Variants in ATL2 observed in about 807,000 individuals in gnomAD.
ATL2 encodes the protein atlastin-2.
In ATL2, 31 loss-of-function variants were observed where a neutral mutation model predicts 73.9. That is an observed-to-expected ratio of 0.42 (90% CI 0.32 to 0.57). The LOEUF is 0.57. Among genes scored for constraint, ATL2 ranks in the 20% least tolerant of loss-of-function variants. The pLI is 0.14. For missense variants in ATL2, 738 were observed against 702.6 expected (o/e 1.05, Z -0.57); for synonymous variants, 291 against 237.5 (o/e 1.23, Z -2.07).
intron 1 of ATL2, among the ~76,000 whole-genome samples, chr2:38,348,899 G>A (rs1670179021): frequency 6.6e-6 from 1 of 152,186 alleles, no homozygotes; most frequent in Non-Finnish European, 1.5e-5. Flanking sequence ...AGACATTTAT[G>A]CAGCCAAAAC....
rs7557897 is a variant in ATL2 at position 38,337,663 on chromosome 2, T to C, written c.363+5605A>G. ...TTTATAAATTAATTGATCACAGGGA[T>C]TTACTTCAAAATAATATATAAGGTG... On this transcript the variant is annotated intron_variant, in intron 2 of 12. Transcript: ENST00000378954. Among the ~76,000 whole-genome samples, 974 of 151,896 alleles carry C rather than the reference T, an allele frequency of 6.4e-3. 16 individuals carry two copies. Among genetic ancestry groups the C allele is most frequent in the African/African-American group, 0.022 (916 of 41,462 alleles).
At chr2:38,353,608 C>A (rs919494521) in intron 1 of ATL2, among the ~76,000 whole-genome samples, 1 of 152,120 alleles carries the variant, frequency 6.6e-6, no homozygotes, top group African/African-American at 2.4e-5. Context: ...ACCTCCAGTA[C>A]GGTAATACAA....
chr2:38,339,904 T>C (rs1669604995), intron 2 of ATL2, among the ~76,000 whole-genome samples: 2 of 152,124 alleles, frequency 1.3e-5, no homozygotes, highest in Admixed American at 1.3e-4. Context: ...TTGCCCCAGC[T>C]GGTCTCGAAC....
rs1672034978 is a variant in ATL2 at position 38,377,211 on chromosome 2, A to C, written c.50T>G (p.Leu17Arg). 6.2e-6 allele frequency: 10 copies of C among 1,608,410 alleles called. No homozygotes were observed. The highest frequency in any genetic ancestry group is 5.9e-6 in the Non-Finnish European group (7 of 1,178,298). Residue 17 changes from leucine to arginine, a missense_variant, in exon 1 of 13, where the codon CTG becomes CGG. By Grantham distance (102) the Leu-to-Arg change is moderately radical. Transcript: ENST00000378954. ...GTCGCTGGTCCGTCGCCGGCGCCAC[A>C]GCCCCTGGTGCGGTTGCTGCCCTCG... ...AARGQQPHQGLWRRRRTSDPS... is the reference protein window; with the variant it reads ...AARGQQPHQGRWRRRRTSDPS...
At chr2:38,329,915 G>C (rs957042028) in intron 2 of ATL2, among the ~76,000 whole-genome samples, 5 of 152,072 alleles carry the variant, frequency 3.3e-5, no homozygotes, top group African/African-American at 1.2e-4. Context: ...GAATACCTGA[G>C]GTCAGGAGTT....
chr2:38,330,712 A>G (rs1263776753), intron 2 of ATL2, among the ~76,000 whole-genome samples: 2 of 152,250 alleles, frequency 1.3e-5, no homozygotes, highest in South Asian at 2.1e-4. Flanking sequence ...CTCAAAAACT[A>G]TAAAAAAATG....
At chr2:38,325,667 C>CCAGT (rs1668579047) in intron 2 of ATL2, among the ~76,000 whole-genome samples, 2 of 43,474 alleles carry the variant, frequency 4.6e-5, no homozygotes, top group Non-Finnish European at 7.4e-5. Flanking sequence ...CCAGTACACA[C>CCAGT]ACACACACAC....
chr2:38,340,988 A>G (rs1172001280), intron 2 of ATL2, among the ~76,000 whole-genome samples: 2 of 152,220 alleles, frequency 1.3e-5, no homozygotes, highest in Non-Finnish European at 2.9e-5. Flanking sequence ...AGAGATTGCA[A>G]ATACACGGCA....
chr2:38,343,826 G>A (rs187588941), intron 1 of ATL2, among the ~76,000 whole-genome samples: 1 of 152,230 alleles, frequency 6.6e-6, no homozygotes, highest in Admixed American at 6.5e-5. Flanking sequence ...CTCCTGTGCT[G>A]TTCTCATGAT....
chr2:38,369,385 G>C (rs895817639), intron 1 of ATL2, among the ~76,000 whole-genome samples: 1 of 152,182 alleles, frequency 6.6e-6, no homozygotes, highest in Non-Finnish European at 1.5e-5. Flanking sequence ...AGAAGGTAGA[G>C]TGAGCCGAGA....
At chr2:38,297,352 C>T (rs183879973) in intron 12 of ATL2, among the ~76,000 whole-genome samples, 13 of 152,280 alleles carry the variant, frequency 8.5e-5, no homozygotes, top group African/African-American at 2.9e-4. Context: ...TTATAGCGTT[C>T]GTCATTAATA....
At chr2:38,372,219 T>C (rs1671732888) in intron 1 of ATL2, among the ~76,000 whole-genome samples, 1 of 150,232 alleles carries the variant, frequency 6.7e-6, no homozygotes, top group Non-Finnish European at 1.5e-5. Flanking sequence ...TACAGTCAAG[T>C]CAGCCCTCCA....
In ATL2 at chr2:38,309,476, C is replaced by T. The variant is rs375380520; in HGVS notation, c.974G>A (p.Arg325Gln). ...DIDEDFKREL[R>Q]NLVPLLLAPE... ...GGCAAGCAGCAATGGAACCAGATTT[C>T]GAAGCTCTCGTTTAAAGTCTTCATC... Residue 325 changes from arginine (R) to glutamine (Q), a missense_variant, in exon 9 of 13, where the codon CGA becomes CAA. Coordinates refer to ENST00000378954, the MANE Select transcript of ATL2 (RefSeq NM_001135673.4). 2.6e-5 allele frequency: 42 copies of T among 1,612,300 alleles called. No individual in the cohort carries two copies. The highest frequency in any genetic ancestry group is 3.3e-4 in the Middle Eastern group (2 of 6,076).
intron 8 of ATL2, 27 bp downstream of exon 8, chr2:38,310,282 G>T: frequency 6.2e-7 from 1 of 1,608,128 alleles, no homozygotes; most frequent in Non-Finnish European, 8.5e-7. Flanking sequence ...AATAAGTTCA[G>T]ATTTTAGCAA....
chr2:38,312,924 G>A (rs796499032), intron 7 of ATL2, among the ~76,000 whole-genome samples: 3 of 152,114 alleles, frequency 2.0e-5, no homozygotes, highest in South Asian at 4.1e-4. Flanking sequence ...GCTACCTTTA[G>A]GAATAAAGGA....
At position 38,365,707 on chromosome 2, in the gene ATL2, G is replaced by A. The variant is rs557839971; in HGVS notation, c.118+11436C>T. ...GTAGCTACTTGGGAGGCTGAGGCAG[G>A]AGAATCACTTGAACCCTGGAAGCAG... is the stretch of plus-strand genomic sequence containing the variant. On this transcript the variant is annotated intron_variant, in intron 1 of 12. Transcript: ENST00000378954. Among the ~76,000 whole-genome samples, 7 of 152,208 alleles carry A rather than the reference G, an allele frequency of 4.6e-5. No homozygotes were observed. The East Asian group carries it at 7.7e-4, about 17-fold the overall frequency.
intron 1 of ATL2, among the ~76,000 whole-genome samples, chr2:38,361,253 C>A (rs1290298033): frequency 2.0e-5 from 3 of 149,602 alleles, no homozygotes; most frequent in African/African-American, 7.4e-5. Context: ...ACTAGGGAGG[C>A]TGAGGCAGAA....
Position 38,296,062 on chromosome 2 carries a change from C to T in ATL2, c.1684G>A (p.Val562Ile). The change falls in exon 13 of 13, where the codon GTA becomes ATA. Residue 562 changes from valine (V) to isoleucine (I), a missense_variant. Physicochemically the swap from Val to Ile is conservative, Grantham distance 29 (BLOSUM62 3). Coordinates refer to ENST00000378954, the MANE Select transcript of ATL2 (RefSeq NM_001135673.4). ...NLMEENIRQS[V>I]TNSIKAGLTD... ...AGGCCTGCTTTGATAGAGTTTGTTA[C>T]AGACTGCCTTATGTTTTCCTCCATC... is the stretch of plus-strand genomic sequence containing the variant. The T allele has an allele frequency of 6.4e-7, 1 of 1,551,598 alleles. No individual in the cohort carries two copies. The highest frequency in any genetic ancestry group is 2.4e-5 in the East Asian group (1 of 40,910).
chr2:38,335,237 ACTC>A (rs1669285171), intron 2 of ATL2, among the ~76,000 whole-genome samples: 2 of 151,896 alleles, frequency 1.3e-5, no homozygotes, highest in Non-Finnish European at 2.9e-5. Flanking sequence ...CAGCAATTCT[ACTC>A]CTGGGTATAA....
Sources: gnomAD v4.1 joint callset for allele counts (sites outside exome capture counted in the v4.1 genomes callset) on GRCh38, gnomAD v4.1.1 for gene constraint, MANE v1.5 for transcripts, NCBI Gene and HGNC (gene_info 2026-07-23, HGNC 2026-07-21) for gene names.